The following VPS53 variants were observed in gnomAD, a reference collection of about 807,000 sequenced individuals.
The protein encoded by VPS53 is vacuolar protein sorting-associated protein 53 homolog.
VPS53 carries 70 observed loss-of-function variants against 107.0 expected under a neutral mutation model. That is an observed-to-expected ratio of 0.65 (90% CI 0.54 to 0.80). The LOEUF (loss-of-function observed/expected upper bound fraction) is 0.80. VPS53 is among the 30% of genes least tolerant of loss of function. The pLI, the probability that VPS53 is intolerant of heterozygous loss-of-function variation, is 0.00. For missense variants in VPS53, 917 were observed against 1,049.4 expected (o/e 0.87, Z 1.74); for synonymous variants, 409 against 393.3 (o/e 1.04, Z -0.47).
intron 6 of VPS53, 147 bp downstream of exon 6, chr17:655,691 A>C (rs1597445071): frequency 2.9e-6 from 2 of 686,434 alleles, no homozygotes; most frequent in Admixed American, 3.1e-5. Context: ...CAAAGCAAAA[A>C]TGGTGACTGA....
intron 7 of VPS53, among the ~76,000 whole-genome samples, chr17:640,236 A>T (rs1970369637): frequency 6.6e-6 from 1 of 152,156 alleles, no homozygotes; most frequent in African/African-American, 2.4e-5. Context: ...GCCATTTGCT[A>T]AGACTGTTGG....
rs933854648 is a variant in VPS53 at position 511,755 on chromosome 17, G to C, written c.*7373C>G. 1 of 151,476 alleles carries C rather than the reference G, an allele frequency of 6.6e-6. No homozygotes were observed. Among genetic ancestry groups the C allele is most frequent in the African/African-American group, 2.4e-5 (1 of 41,236 alleles). The allele number at this position is 151,476 out of a possible 1,614,324, so 9.4% of individuals were successfully genotyped here. The stretch of plus-strand genomic sequence containing the variant: ...GGGGGGCATCATACCTAAAGAAGAA[G>C]AAGAAGAAAAAAGGCAAGAATAAGT... On this transcript the variant is annotated 3_prime_UTR_variant, in exon 22 of 22. Coordinates refer to ENST00000437048, the MANE Select transcript of VPS53 (RefSeq NM_001128159.3).
chr17:611,949 T>C (rs1294756950), intron 11 of VPS53, among the ~76,000 whole-genome samples: 1 of 151,726 alleles, frequency 6.6e-6, no homozygotes, highest in East Asian at 1.9e-4. Flanking sequence ...TGTACAGATA[T>C]TCACATAGTT....
At chr17:589,082 C>T (rs965065572) in intron 12 of VPS53, among the ~76,000 whole-genome samples, 1 of 151,654 alleles carries the variant, frequency 6.6e-6, no homozygotes, top group African/African-American at 2.4e-5. Context: ...TATAGCTATT[C>T]TTTTTATTTA....
At chr17:692,341 C>A (rs1021746726) in intron 4 of VPS53, among the ~76,000 whole-genome samples, 1 of 149,174 alleles carries the variant, frequency 6.7e-6, no homozygotes, top group African/African-American at 2.6e-5. Flanking sequence ...TTAATTAAAG[C>A]TTTTGACTGA....
At chr17:622,071 G>C (rs1969489203) in intron 11 of VPS53, among the ~76,000 whole-genome samples, 1 of 151,988 alleles carries the variant, frequency 6.6e-6, no homozygotes, top group Admixed American at 6.6e-5. Flanking sequence ...AATTAGCCAG[G>C]CTTAGTGGTG....
intron 7 of VPS53, among the ~76,000 whole-genome samples, chr17:651,722 C>A (rs1184943077): frequency 6.6e-6 from 1 of 152,214 alleles, no homozygotes; most frequent in Non-Finnish European, 1.5e-5. Context: ...TCAGTAACAA[C>A]GCCTTCATTT....
rs145840534 is a variant in VPS53, at chr17:699,298, A to T, written c.218+33T>A. 2.0e-6 allele frequency: 3 copies of T among 1,482,672 alleles called. No individual in the cohort carries two copies. The African/African-American group carries it at 4.4e-5, about 22-fold the overall frequency. The allele number at this position is 1,482,672 out of a possible 1,614,324, so 91.8% of individuals were successfully genotyped here. ...TAACTAAATTAACAATATACTTTTC[A>T]TTAATTATGAACAATCACACAGCTT... On this transcript the variant is annotated intron_variant, in intron 3 of 21. Coordinates refer to ENST00000437048, the MANE Select transcript of VPS53 (RefSeq NM_001128159.3).
intron 13 of VPS53, among the ~76,000 whole-genome samples, chr17:581,414 C>G (rs531307151): frequency 4.0e-4 from 60 of 151,202 alleles, no homozygotes; most frequent in Middle Eastern, 3.6e-3. Context: ...TCCTCAGAAC[C>G]TAATGCATTC....
At chr17:640,955 A>G (rs1234217023) in intron 7 of VPS53, among the ~76,000 whole-genome samples, 1 of 152,126 alleles carries the variant, frequency 6.6e-6, no homozygotes, top group Non-Finnish European at 1.5e-5. Context: ...CCTGGGTTGA[A>G]GGGATTCTCC....
At chr17:633,571 C>T (rs750667766) in intron 7 of VPS53, among the ~76,000 whole-genome samples, 5 of 152,060 alleles carry the variant, frequency 3.3e-5, no homozygotes, top group East Asian at 3.9e-4. Flanking sequence ...TTTTCCGTGG[C>T]GTGGTTACAA....
chr17:692,551 G>T (rs995801632), intron 4 of VPS53, among the ~76,000 whole-genome samples: 1 of 152,302 alleles, frequency 6.6e-6, no homozygotes, highest in Admixed American at 6.5e-5. Context: ...AGAAGCTCAA[G>T]AAATGACCTA....
At chr17:561,721 C>T (rs1010819717) in intron 14 of VPS53, among the ~76,000 whole-genome samples, 1 of 152,224 alleles carries the variant, frequency 6.6e-6, no homozygotes, top group Non-Finnish European at 1.5e-5. Context: ...CCTCCGCCTC[C>T]CGGGTTCAAG....
chr17:695,725 T>C (rs1972937562), intron 4 of VPS53, among the ~76,000 whole-genome samples: 1 of 152,124 alleles, frequency 6.6e-6, no homozygotes, highest in African/African-American at 2.4e-5. Flanking sequence ...GCTAATTTTG[T>C]ACTTTTTGAA....
chr17:646,787 G>C (rs1970732018), intron 7 of VPS53, among the ~76,000 whole-genome samples: 1 of 122,220 alleles, frequency 8.2e-6, no homozygotes, highest in Non-Finnish European at 1.7e-5. Context: ...CTGGAGATCG[G>C]CTCCCACACA....
At chr17:533,870 C>T (rs950775937) in intron 18 of VPS53, among the ~76,000 whole-genome samples, 2 of 151,308 alleles carry the variant, frequency 1.3e-5, no homozygotes, top group South Asian at 2.1e-4. Context: ...GACAGAGTCT[C>T]GCTCTGTCAC....
intron 4 of VPS53, among the ~76,000 whole-genome samples, chr17:676,770 T>C (rs946902840): frequency 3.3e-5 from 5 of 152,166 alleles, no homozygotes; most frequent in African/African-American, 1.2e-4. Context: ...AAGCGGGACT[T>C]GGCGTTTCTA....
At position 611,609 on chromosome 17, in the gene VPS53, G is replaced by A. The variant is rs117626823; in HGVS notation, c.1117-9713C>T. 7.9e-3 allele frequency among the ~76,000 whole-genome samples: 1,209 copies of A among 152,348 alleles called. 7 individuals are homozygous for A. The highest frequency in any genetic ancestry group is 0.011 in the Non-Finnish European group (727 of 68,038). On this transcript the variant is annotated intron_variant, in intron 11 of 21. Coordinates refer to ENST00000437048, the MANE Select transcript of VPS53 (RefSeq NM_001128159.3). The stretch of plus-strand genomic sequence containing the variant: ...ATATTCTCACAAGAATAGGAAACAC[G>A]CTGACACGAAAACCTGTACAAATAT...
chr17:702,034 A>G (rs1180171832), intron 2 of VPS53, among the ~76,000 whole-genome samples: 1 of 152,152 alleles, frequency 6.6e-6, no homozygotes, highest in African/African-American at 2.4e-5. Flanking sequence ...CGGCCCTATA[A>G]TATCATTTTT....
Sources: gnomAD v4.1 joint callset for allele counts (sites outside exome capture counted in the v4.1 genomes callset) on GRCh38, gnomAD v4.1.1 for gene constraint, MANE v1.5 for transcripts, NCBI Gene and HGNC (gene_info 2026-07-23, HGNC 2026-07-21) for gene names.